The following THSD4 variants were observed in gnomAD, a reference collection of about 807,000 sequenced individuals.
THSD4 encodes the protein thrombospondin type-1 domain-containing protein 4.
THSD4 carries 69 observed loss-of-function variants against 119.0 expected under a neutral mutation model. The ratio of observed to expected loss-of-function variants is 0.58; its 90% CI spans 0.48 to 0.71. The LOEUF is 0.71. Ranked by LOEUF, THSD4 falls within the 30% of genes least tolerant of loss-of-function variation. THSD4 has a pLI of 0.00. For missense variants in THSD4, 1,393 were observed against 1,391.1 expected, an observed-to-expected ratio of 1.00 and a Z score of -0.02; for synonymous variants, 524 against 540.4, an observed-to-expected ratio of 0.97 and a Z score of 0.42.
chr15:71,476,461 C>G (rs1405872490), intron 7 of THSD4, among the ~76,000 whole-genome samples: 2 of 152,126 alleles, frequency 1.3e-5, no homozygotes, highest in Non-Finnish European at 2.9e-5. Flanking sequence ...AGGCTGGTCT[C>G]GAACTCGTGA....
intron 7 of THSD4, among the ~76,000 whole-genome samples, chr15:71,457,767 C>T (rs895294582): frequency 9.9e-5 from 15 of 152,212 alleles, no homozygotes; most frequent in Non-Finnish European, 1.6e-4. Context: ...ACTCTACCCC[C>T]TCACACTGCC....
At chr15:71,292,262 C>T (rs1388199362) in intron 6 of THSD4, among the ~76,000 whole-genome samples, 1 of 152,096 alleles carries the variant, frequency 6.6e-6, no homozygotes, top group Non-Finnish European at 1.5e-5. Flanking sequence ...CATTCCGGTA[C>T]GTTGTGATGA....
chr15:71,133,849 C>T (rs148088187), intron 1 of THSD4, among the ~76,000 whole-genome samples: 146 of 152,334 alleles, frequency 9.6e-4, no homozygotes, highest in African/African-American at 3.4e-3. Context: ...AACCACACCA[C>T]TGTTAATGAC....
At chr15:71,437,736 G>C (rs959852564) in intron 7 of THSD4, among the ~76,000 whole-genome samples, 8 of 152,262 alleles carry the variant, frequency 5.3e-5, no homozygotes, top group South Asian at 4.2e-4. Flanking sequence ...TTCTTAAAAG[G>C]GAGCCAAGAA....
At position 71,778,334 on chromosome 15, in the gene THSD4, C is replaced by T. The variant is rs1036148785; in HGVS notation, c.*960C>T. 6.6e-6 allele frequency: 1 copy of T among 152,278 alleles called. No individual in the cohort carries two copies. The highest frequency in any genetic ancestry group is 1.5e-5 in the Non-Finnish European group (1 of 68,070). 9.4% of individuals were successfully genotyped at this position (152,278 alleles called of 1,614,324 possible). On this transcript the variant is annotated 3_prime_UTR_variant, in exon 18 of 18. Transcript: ENST00000261862. ...TACAGATCCTAGTTACAGGACTCTGCCAGCTTTGTTAAACTGTCCGTGAGA... is the reference window on the plus strand; with the variant it reads ...TACAGATCCTAGTTACAGGACTCTGTCAGCTTTGTTAAACTGTCCGTGAGA...
chr15:71,489,934 G>T (rs1353469548), intron 7 of THSD4, among the ~76,000 whole-genome samples: 1 of 151,962 alleles, frequency 6.6e-6, no homozygotes, highest in Admixed American at 6.6e-5. Flanking sequence ...TAAAATCTTT[G>T]TGTATTTCTT....
intron 7 of THSD4, among the ~76,000 whole-genome samples, chr15:71,458,557 A>G (rs913888555): frequency 6.6e-5 from 10 of 152,216 alleles, no homozygotes; most frequent in African/African-American, 1.9e-4. Flanking sequence ...ACTGACTTCC[A>G]AACACCTGTT....
intron 7 of THSD4, among the ~76,000 whole-genome samples, chr15:71,480,961 G>C (rs534391179): frequency 3.9e-5 from 6 of 152,170 alleles, no homozygotes; most frequent in Admixed American, 2.0e-4. Context: ...TAGATTCATA[G>C]AACTGAAATT....
chr15:71,672,290 C>G, intron 8 of THSD4, among the ~76,000 whole-genome samples: 1 of 152,130 alleles, frequency 6.6e-6, no homozygotes, highest in Non-Finnish European at 1.5e-5. Flanking sequence ...CTCTGTTTGT[C>G]TGTTGCTGGT....
chr15:71,489,372 A>G (rs2047875508), intron 7 of THSD4, among the ~76,000 whole-genome samples: 2 of 152,154 alleles, frequency 1.3e-5, no homozygotes, highest in Admixed American at 1.3e-4. Context: ...AAATGTATTT[A>G]AAATGTTGTC....
intron 7 of THSD4, among the ~76,000 whole-genome samples, chr15:71,601,635 C>T (rs913278178): frequency 6.6e-6 from 1 of 152,328 alleles, no homozygotes; most frequent in East Asian, 1.9e-4. Context: ...AGGCTGTAAT[C>T]TTTGATGACT....
intron 10 of THSD4, among the ~76,000 whole-genome samples, chr15:71,734,987 A>G (rs534127066): frequency 1.3e-5 from 2 of 152,226 alleles, no homozygotes; most frequent in African/African-American, 4.8e-5. Flanking sequence ...AATATTGCAT[A>G]TTATTATTTT....
intron 8 of THSD4, among the ~76,000 whole-genome samples, chr15:71,681,674 CAAA>C (rs147593449): frequency 3.0e-5 from 3 of 100,150 alleles, no homozygotes; most frequent in Non-Finnish European, 6.2e-5. Context: ...AACTTCGTCT[CAAA>C]AAAAAAAAAA....
intron 3 of THSD4, among the ~76,000 whole-genome samples, chr15:71,193,864 C>T (rs1425152232): frequency 6.6e-6 from 1 of 152,300 alleles, no homozygotes; most frequent in African/African-American, 2.4e-5. Context: ...GCGCCCGCCG[C>T]CACGCCCAGC....
At position 71,692,745 on chromosome 15, in the gene THSD4, A is replaced by C. The variant is rs547775846; in HGVS notation, c.1357+32011A>C. ...GCAGAGAGTGGCACCAAGGTGCTGC[A>C]GATGACGTCTGCTGGCTGTGTTCCT... On this transcript the variant is annotated intron_variant, in intron 8 of 17. Coordinates refer to ENST00000261862, the MANE Select transcript of THSD4 (RefSeq NM_024817.3). Among the ~76,000 whole-genome samples, 298 of 152,350 alleles carry C rather than the reference A, an allele frequency of 2.0e-3. 1 individual carries two copies. Among genetic ancestry groups the C allele is most frequent in the African/African-American group, 6.9e-3 (287 of 41,582 alleles).
chr15:71,536,248 T>A (rs1340992063), intron 7 of THSD4, among the ~76,000 whole-genome samples: 1 of 152,212 alleles, frequency 6.6e-6, no homozygotes, highest in Non-Finnish European at 1.5e-5. Flanking sequence ...AAAGGATCCC[T>A]ACTTCTGGCT....
Position 71,757,888 on chromosome 15 carries a change from C to T in THSD4, c.2416-14C>T. ...AGGGCCTCCTGACTAATGTGCCCTT[C>T]CCCTGTCTCACAGTGCTCAGCGGAG... On this transcript the variant is annotated splice_polypyrimidine_tract_variant and intron_variant, in intron 14 of 17. Coordinates refer to ENST00000261862, the MANE Select transcript of THSD4 (RefSeq NM_024817.3). 6.2e-7 allele frequency: 1 copy of T among 1,612,714 alleles called. No homozygotes were observed. The highest frequency in any genetic ancestry group is 1.3e-5 in the African/African-American group (1 of 75,034).
chr15:71,589,247 A>G (rs1406907199), intron 7 of THSD4, among the ~76,000 whole-genome samples: 1 of 141,404 alleles, frequency 7.1e-6, no homozygotes, highest in African/African-American at 2.5e-5. Context: ...CATAGGATAT[A>G]AGAGTAATAA....
chr15:71,214,807 C>T (rs2043916574), intron 3 of THSD4, among the ~76,000 whole-genome samples: 1 of 152,084 alleles, frequency 6.6e-6, no homozygotes, highest in African/African-American at 2.4e-5. Context: ...CCATGACACC[C>T]AAAGCCAGGG....
Sources: allele counts gnomAD v4.1 joint callset (sites outside exome capture counted in the v4.1 genomes callset), GRCh38; gene constraint gnomAD v4.1.1; transcripts MANE v1.5; gene names NCBI Gene and HGNC (gene_info 2026-07-23, HGNC 2026-07-21).